The following ZNF564 variants were observed in gnomAD, a reference collection of about 807,000 sequenced individuals.
The protein encoded by ZNF564 is zinc finger protein 564.
Under a neutral mutation model 10.5 loss-of-function variants are expected in ZNF564, and 5 were observed. That is an observed-to-expected ratio of 0.48 (90% CI 0.25 to 1.00). ZNF564 has a LOEUF of 1.00. Ranked by LOEUF, ZNF564 falls within the 50% of genes least tolerant of loss-of-function variation. The pLI is 0.16. For missense variants in ZNF564, 603 were observed against 669.7 expected, an observed-to-expected ratio of 0.90 and a Z score of 1.10; for synonymous variants, 242 against 218.1, an observed-to-expected ratio of 1.11 and a Z score of -0.97.
In ZNF564 at chr19:12,528,281, TTTATC is replaced by T; in HGVS notation, c.191+18_191+22del. 6.3e-7 allele frequency: 1 copy of T among 1,599,120 alleles called. No individual in the cohort carries two copies. The highest frequency in any genetic ancestry group is 8.5e-7 in the Non-Finnish European group (1 of 1,173,314). On this transcript the variant is annotated intron_variant, in intron 3 of 3. Transcript: ENST00000339282. The stretch of plus-strand genomic sequence containing the variant: ...TGACATACTAAGAAGGAGACATTGC[TTTATC>T]TTGTCAGTGCAAATTACCTTAAAAT...
chr19:12,527,744 T>C lies in ZNF564; in HGVS notation c.364A>G (p.Ile122Val). The change falls in exon 4 of 4, where the codon ATC (isoleucine) becomes GTC (valine). Residue 122 changes from isoleucine to valine, a missense_variant. Physicochemically the swap from Ile to Val is conservative, Grantham distance 29. Coordinates refer to ENST00000339282, the MANE Select transcript of ZNF564 (RefSeq NM_144976.4). The stretch of plus-strand genomic sequence containing the variant: ...GGTTTGTGTCCAAGGTGAGATCTGA[T>C]GTGCCTACTAAGGGATGAATGATGC... ...FMHHSSLSRH[I>V]RSHLGHKPYD... The C allele has an allele frequency of 1.2e-6, 2 of 1,614,114 alleles. No homozygotes were observed. Among genetic ancestry groups the C allele is most frequent in the Non-Finnish European group, 1.7e-6 (2 of 1,180,028 alleles).
Position 12,538,889 on chromosome 19 carries a change from T to C in ZNF564, c.4-10193A>G, listed in dbSNP as rs138508575. 3.4e-3 allele frequency among the ~76,000 whole-genome samples: 513 copies of C among 152,170 alleles called. 3 individuals are homozygous for C. The highest frequency in any genetic ancestry group is 0.011 in the African/African-American group (474 of 41,534). The stretch of plus-strand genomic sequence containing the variant: ...ATCATTATCAGATGTAATATGTTGG[T>C]TTATAATCATAACTAATACACTACA... On this transcript the variant is annotated intron_variant, in intron 1 of 3. Coordinates refer to ENST00000339282, the MANE Select transcript of ZNF564 (RefSeq NM_144976.4).
At chr19:12,532,331 T>C (rs2901946) in intron 1 of ZNF564, among the ~76,000 whole-genome samples, 148,488 of 149,862 alleles carry the variant, frequency 0.99, 73,593 homozygotes, top group Middle Eastern at 1. Flanking sequence ...GTCAGGAGAT[T>C]GAGACCATCC....
At chr19:12,550,113 AG>A (rs2022224211) in intron 1 of ZNF564, 1 of 151,098 alleles carries the variant, frequency 6.6e-6, no homozygotes, top group Non-Finnish European at 1.5e-5. Context: ...GCCAACATGG[AG>A]AAACCCTGTC....
chr19:12,551,055 GGA>G (rs1397207670), intron 1 of ZNF564, among the ~76,000 whole-genome samples: 44 of 152,362 alleles, frequency 2.9e-4, no homozygotes, highest in Non-Finnish European at 8.8e-5. Context: ...CAAACAATCT[GGA>G]GAGAGGCGGG....
chr19:12,551,391 TC>T lies in ZNF564; in HGVS notation c.-60del. The T allele has an allele frequency of 6.6e-7, 1 of 1,524,378 alleles. No individual in the cohort carries two copies. The highest frequency in any genetic ancestry group is 2.1e-5 in the Admixed American group (1 of 47,722). The allele number at this position is 1,524,378 out of a possible 1,614,324, so 94.4% of individuals were successfully genotyped here. A position where few individuals can be genotyped will look rare whatever the true frequency, so the allele number is the denominator to read the frequency against. On this transcript the variant is annotated 5_prime_UTR_variant, in exon 1 of 4. Transcript: ENST00000339282. ...TACGGCTCTCTCCGGCCTGTGCAGG[TC>T]CCAGCGCGCCAGACGCTGCGGTGGA...
chr19:12,536,690 G>A (rs1170738569), intron 1 of ZNF564, among the ~76,000 whole-genome samples: 1 of 152,112 alleles, frequency 6.6e-6, no homozygotes, highest in East Asian at 1.9e-4. Context: ...CCATGGTATT[G>A]TGGACTTCGT....
rs183974556 is a variant in ZNF564, at chr19:12,535,990, C to T, written c.4-7294G>A. Among the ~76,000 whole-genome samples, 27 of 141,480 alleles carry T rather than the reference C, an allele frequency of 1.9e-4. 1 individual carries two copies. The highest frequency in any genetic ancestry group is 1.7e-3 in the Admixed American group (22 of 13,206). 92.8% of individuals were successfully genotyped at this position (141,480 alleles called of 152,430 possible). On this transcript the variant is annotated intron_variant, in intron 1 of 3. Coordinates refer to ENST00000339282, the MANE Select transcript of ZNF564 (RefSeq NM_144976.4). ...ACTGTGCGACTGCATTCCAGAGTGG[C>T]GACAGAGCGTGACTCCGTCTCAAAA...
chr19:12,541,840 C>A (rs1425544322), intron 1 of ZNF564, among the ~76,000 whole-genome samples: 2 of 148,954 alleles, frequency 1.3e-5, no homozygotes, highest in Admixed American at 6.8e-5. Context: ...ACGGTGAAAC[C>A]CCGTCTCTAC....
intron 1 of ZNF564, chr19:12,548,703 A>G (rs1036850957): frequency 5.9e-6 from 4 of 683,486 alleles, no homozygotes; most frequent in Non-Finnish European, 1.1e-5. Flanking sequence ...CAGACAATAG[A>G]GACCTCACAT....
At chr19:12,541,795 C>G (rs1352839701) in intron 1 of ZNF564, among the ~76,000 whole-genome samples, 1 of 150,316 alleles carries the variant, frequency 6.7e-6, no homozygotes, top group Non-Finnish European at 1.5e-5. Context: ...GCAGGCGGAT[C>G]ACATGGTCAG....
At chr19:12,549,206 T>C (rs2022208531) in intron 1 of ZNF564, among the ~76,000 whole-genome samples, 1 of 152,200 alleles carries the variant, frequency 6.6e-6, no homozygotes, top group Admixed American at 6.6e-5. Flanking sequence ...TATCTTGTCT[T>C]TCAAGCACTA....
chr19:12,545,309 A>C (rs2022130773), intron 1 of ZNF564, among the ~76,000 whole-genome samples: 1 of 149,778 alleles, frequency 6.7e-6, no homozygotes, highest in Admixed American at 6.7e-5. Flanking sequence ...ACATCCTGGG[A>C]GCTCCACGCA....
rs373232879 is a variant in ZNF564, at chr19:12,526,211, T to C, written c.*235A>G. On this transcript the variant is annotated 3_prime_UTR_variant, in exon 4 of 4. Transcript: ENST00000339282. ...TCATCTCAATATCACATCACTCAGATATGGATGAGACTCAATTCATGCTGA... is the reference window on the plus strand; with the variant it reads ...TCATCTCAATATCACATCACTCAGACATGGATGAGACTCAATTCATGCTGA... 6.9e-6 allele frequency: 3 copies of C among 437,716 alleles called. No individual in the cohort carries two copies. The highest frequency in any genetic ancestry group is 7.5e-5 in the East Asian group (2 of 26,808). The allele number at this position is 437,716 out of a possible 1,614,324, so 27.1% of individuals were successfully genotyped here. A position where few individuals can be genotyped will look rare whatever the true frequency, so the allele number is the denominator to read the frequency against.
rs185086135 is a variant in ZNF564, at chr19:12,532,647, G to A, written c.4-3951C>T. On this transcript the variant is annotated intron_variant, in intron 1 of 3. Transcript: ENST00000339282. Reference sequence around the variant, plus strand: ...TGAGGCAGGTAGATTGCTGCAGCCTGGGAGTTCAAGGCTGCAAAGAGCTAT... The same window carrying A: ...TGAGGCAGGTAGATTGCTGCAGCCTAGGAGTTCAAGGCTGCAAAGAGCTAT... 1.8e-3 allele frequency among the ~76,000 whole-genome samples: 275 copies of A among 151,352 alleles called. 1 individual carries two copies. The highest frequency in any genetic ancestry group is 6.4e-3 in the African/African-American group (263 of 41,220).
In ZNF564 at chr19:12,527,781, C is replaced by G; in HGVS notation, c.327G>C (p.Gly109=). The change falls in exon 4 of 4, where the codon GGG becomes GGC. Residue 109 remains glycine (G), a synonymous_variant. Transcript: ENST00000339282. ...IVRPCECSLC[G]KVFMHHSSLS... ...GGGATGAATGATGCATGAAGACTTT[C>G]CCACACAAACTACATTCACATGGTC... The G allele has an allele frequency of 6.2e-7, 1 of 1,614,048 alleles. No homozygotes were observed.
At chr19:12,541,082 A>G (rs1340923309) in intron 1 of ZNF564, among the ~76,000 whole-genome samples, 1 of 150,368 alleles carries the variant, frequency 6.7e-6, no homozygotes, top group Non-Finnish European at 1.5e-5. Context: ...AAAAAAAAAA[A>G]AAAAAAGAAA....
chr19:12,551,183 G>C (rs1599290967), intron 1 of ZNF564, 147 bp downstream of exon 1: 1 of 909,968 alleles, frequency 1.1e-6, no homozygotes, highest in East Asian at 2.7e-5. Flanking sequence ...CTGCGGCCGA[G>C]GGGACAGAGG....
chr19:12,547,056 G>C (rs537443590), intron 1 of ZNF564, among the ~76,000 whole-genome samples: 31 of 152,180 alleles, frequency 2.0e-4, no homozygotes, highest in Admixed American at 5.2e-4. Flanking sequence ...TCCTCCCCAT[G>C]AATGAAAAAC....
Sources: gnomAD v4.1 joint callset for allele counts (sites outside exome capture counted in the v4.1 genomes callset) on GRCh38, gnomAD v4.1.1 for gene constraint, MANE v1.5 for transcripts, NCBI Gene and HGNC (gene_info 2026-07-23, HGNC 2026-07-21) for gene names.